Variants in BICD1 observed in about 807,000 individuals in gnomAD.
BICD1 encodes the protein protein bicaudal D homolog 1.
Under a neutral mutation model 92.5 loss-of-function variants are expected in BICD1, and 35 were observed. That is an observed-to-expected ratio of 0.38 (90% CI 0.29 to 0.50). BICD1 has a LOEUF of 0.50. Ranked by LOEUF, BICD1 falls within the 20% of genes least tolerant of loss-of-function variation. BICD1 has a pLI of 0.93. For missense variants in BICD1, 950 were observed against 1,189.8 expected (o/e 0.80, Z 2.97); for synonymous variants, 429 against 465.1 (o/e 0.92, Z 1.00).
chr12:32,110,153 T>A (rs927351745), intron 1 of BICD1, among the ~76,000 whole-genome samples: 2 of 152,244 alleles, frequency 1.3e-5, no homozygotes, highest in Non-Finnish European at 1.5e-5. Flanking sequence ...CAGATCATTT[T>A]GTTTTCCAGA....
intron 2 of BICD1, among the ~76,000 whole-genome samples, chr12:32,287,634 T>C (rs1219998193): frequency 6.6e-6 from 1 of 151,778 alleles, no homozygotes; most frequent in Non-Finnish European, 1.5e-5. Flanking sequence ...CCTCCTGGGT[T>C]CACGCCATTC....
At chr12:32,133,769 A>G (rs1265515563) in intron 1 of BICD1, among the ~76,000 whole-genome samples, 1 of 150,428 alleles carries the variant, frequency 6.6e-6, no homozygotes, top group Non-Finnish European at 1.5e-5. Flanking sequence ...CCAGTTTCTG[A>G]AATGGATGCC....
chr12:32,195,483 A>C (rs183879141), intron 1 of BICD1, among the ~76,000 whole-genome samples: 11 of 152,320 alleles, frequency 7.2e-5, no homozygotes, highest in African/African-American at 2.6e-4. Context: ...CCAAACATAT[A>C]TGGTCATCTA....
At chr12:32,267,407 A>G (rs1283301818) in intron 2 of BICD1, among the ~76,000 whole-genome samples, 1 of 152,202 alleles carries the variant, frequency 6.6e-6, no homozygotes, top group African/African-American at 2.4e-5. Context: ...TATCCCTAGC[A>G]CTTATAATAG....
rs542566768 is a variant in BICD1, at chr12:32,231,864, T to TA, written c.426+15406dup. ...TTGTTTTTTTGTTCTTGTGATAGTT[T>TA]ACTGAGAATGATGGTTTCCAATTTC... is the stretch of plus-strand genomic sequence containing the variant. On this transcript the variant is annotated intron_variant, in intron 2 of 9. Transcript: ENST00000652176. 3.8e-4 allele frequency among the ~76,000 whole-genome samples: 58 copies of TA among 151,996 alleles called. No homozygotes were observed. The South Asian group carries it at 0.011, about 28-fold the overall frequency.
intron 1 of BICD1, among the ~76,000 whole-genome samples, chr12:32,123,300 A>G (rs1942220285): frequency 6.6e-6 from 1 of 152,198 alleles, no homozygotes; most frequent in African/African-American, 2.4e-5. Flanking sequence ...AGCAGCTTCT[A>G]GATTATCAGG....
At chr12:32,348,726 ATATATAT>A (rs1938736858) in intron 8 of BICD1, among the ~76,000 whole-genome samples, 53 of 3,774 alleles carry the variant, frequency 0.014, 1 homozygote, top group South Asian at 0.085. Context: ...ACACAAAAAT[ATATATAT>A]ATATATATAT....
Position 32,107,367 on chromosome 12 carries a change from T to C in BICD1, c.36T>C (p.His12=). The C allele has an allele frequency of 1.9e-6, 3 of 1,609,896 alleles. No homozygotes were observed. Among genetic ancestry groups the C allele is most frequent in the East Asian group, 4.5e-5 (2 of 44,796 alleles). The change falls in exon 1 of 10, where the codon CAT becomes CAC. Residue 12 remains histidine (H), a synonymous_variant. Transcript: ENST00000652176. ...AAGAGGTATTGCAGACGGTGGACCA[T>C]TATAAGACTGAGATAGAGAGGCTAA... ...AAEEVLQTVD[H]YKTEIERLTK...
chr12:32,279,924 C>T (rs1381775160), intron 2 of BICD1, among the ~76,000 whole-genome samples: 2 of 152,132 alleles, frequency 1.3e-5, no homozygotes, highest in African/African-American at 4.8e-5. Context: ...CATGGTGAAA[C>T]CCCAACTCTA....
At chr12:32,374,917 T>TA (rs1939881610) in intron 9 of BICD1, among the ~76,000 whole-genome samples, 1 of 96,838 alleles carries the variant, frequency 1.0e-5, no homozygotes, top group South Asian at 3.8e-4. Flanking sequence ...TTCCTTTTTT[T>TA]TTTTTTTTTT....
intron 2 of BICD1, among the ~76,000 whole-genome samples, chr12:32,239,594 T>C (rs1946181019): frequency 6.6e-6 from 1 of 150,932 alleles, no homozygotes; most frequent in East Asian, 2.0e-4. Context: ...TTTTTAACAC[T>C]CAAGTGTTTT....
intron 8 of BICD1, chr12:32,353,315 T>TA (rs1210043711): frequency 2.0e-5 from 3 of 152,350 alleles, no homozygotes; most frequent in East Asian, 3.9e-4. Flanking sequence ...GCTTTTCCTT[T>TA]AATCAAGTTA....
chr12:32,121,833 A>G (rs780359672), intron 1 of BICD1, among the ~76,000 whole-genome samples: 35 of 125,486 alleles, frequency 2.8e-4, no homozygotes, highest in Non-Finnish European at 5.0e-4. Context: ...TTTTTTTTTG[A>G]GACAGGGTCT....
chr12:32,276,876 T>C (rs1947288351), intron 2 of BICD1, among the ~76,000 whole-genome samples: 1 of 152,230 alleles, frequency 6.6e-6, no homozygotes, highest in Non-Finnish European at 1.5e-5. Flanking sequence ...ATCCAGGTAG[T>C]GAGCATAGTA....
chr12:32,145,522 G>C (rs1390470702), intron 1 of BICD1, among the ~76,000 whole-genome samples: 1 of 152,210 alleles, frequency 6.6e-6, no homozygotes, highest in Non-Finnish European at 1.5e-5. Flanking sequence ...GAAGAGGGAA[G>C]GAAGGAGGAG....
rs1298704531 is a variant in BICD1 at position 32,338,937 on chromosome 12, C to G, written c.2722C>G (p.His908Asp). Residue 908 changes from histidine (H) to aspartate (D), a missense_variant, in exon 8 of 10, where the codon CAC (histidine) becomes GAC (aspartate). His to Asp is a moderately conservative substitution (Grantham distance 81, BLOSUM62 -1). Coordinates refer to ENST00000652176, the MANE Select transcript of BICD1 (RefSeq NM_001714.4). ...PPSMSEFIQGHRLSKEKRLTV... is the reference protein window; with the variant it reads ...PPSMSEFIQGDRLSKEKRLTV... ...TTCCATGAGTGAATTCATCCAAGGG[C>G]ACCGGCTCAGCAAGGAAAAAAGGTT... 6.2e-7 allele frequency: 1 copy of G among 1,607,452 alleles called. No individual in the cohort carries two copies. The highest frequency in any genetic ancestry group is 1.7e-5 in the Admixed American group (1 of 58,736).
At chr12:32,119,807 G>A (rs1201266525) in intron 1 of BICD1, among the ~76,000 whole-genome samples, 3 of 152,314 alleles carry the variant, frequency 2.0e-5, no homozygotes, top group East Asian at 3.9e-4. Context: ...GGAGGTGGAG[G>A]TTGCAGTGAG....
chr12:32,254,223 C>T (rs1946657266), intron 2 of BICD1, among the ~76,000 whole-genome samples: 1 of 136,934 alleles, frequency 7.3e-6, no homozygotes, highest in South Asian at 2.4e-4. Flanking sequence ...CCATATTCCA[C>T]ATGTCATATT....
chr12:32,283,750 T>C (rs1947482097), intron 2 of BICD1, among the ~76,000 whole-genome samples: 1 of 152,140 alleles, frequency 6.6e-6, no homozygotes, highest in Non-Finnish European at 1.5e-5. Flanking sequence ...TGGGTGTGAG[T>C]GGCTCATGTG....
Sources: allele counts gnomAD v4.1 joint callset (sites outside exome capture counted in the v4.1 genomes callset), GRCh38; gene constraint gnomAD v4.1.1; transcripts MANE v1.5; gene names NCBI Gene and HGNC (gene_info 2026-07-23, HGNC 2026-07-21).